The following HECTD4 variants were observed in gnomAD, a reference collection of about 807,000 sequenced individuals.
HECTD4 encodes probable E3 ubiquitin-protein ligase HECTD4.
In HECTD4, 114 loss-of-function variants were observed where a neutral mutation model predicts 471.5. The ratio of observed to expected loss-of-function variants is 0.24; its 90% confidence interval spans 0.21 to 0.28. The LOEUF (loss-of-function observed/expected upper bound fraction) is 0.28. Ranked by LOEUF, HECTD4 falls within the 10% of genes least tolerant of loss-of-function variation. The probability of loss-of-function intolerance (pLI) is 1.00; values close to 1 mark genes in which losing one functional copy is unlikely to be tolerated. For synonymous variants in HECTD4, 2,012 were observed against 2,256.0 expected (o/e 0.89, Z 3.07); for missense variants, 3,866 against 5,651.5 (o/e 0.68, Z 10.13).
intron 7 of HECTD4, among the ~76,000 whole-genome samples, chr12:112,288,372 C>T (rs145496699): frequency 9.8e-4 from 148 of 151,646 alleles, no homozygotes; most frequent in African/African-American, 3.5e-3. Flanking sequence ...CCTGTAATCC[C>T]AGCACTTTGG....
chr12:112,230,602 A>C (rs950526452), intron 40 of HECTD4, 85 bp downstream of exon 40: 2 of 1,449,342 alleles, frequency 1.4e-6, no homozygotes, highest in African/African-American at 2.9e-5. Context: ...ATTTCTCTTT[A>C]CTGAAATGCC....
intron 1 of HECTD4, among the ~76,000 whole-genome samples, chr12:112,373,909 C>G (rs2036730288): frequency 6.7e-6 from 1 of 150,358 alleles, no homozygotes; most frequent in Admixed American, 6.7e-5. Context: ...GAGGCTGAGG[C>G]AGGAGAACCA....
At chr12:112,219,589 T>C (rs183656803) in intron 44 of HECTD4, 100 bp from the exon 45 acceptor site, 53 of 743,254 alleles carry the variant, frequency 7.1e-5, no homozygotes, top group African/African-American at 2.2e-4. Flanking sequence ...AATGCACTTA[T>C]AGAGCTCATT....
chr12:112,311,619 C>CAA (rs541436680), intron 4 of HECTD4, among the ~76,000 whole-genome samples: 11 of 46,656 alleles, frequency 2.4e-4, no homozygotes, highest in South Asian at 6.4e-4. Context: ...GACCCCATCT[C>CAA]AAAAAAAAAA....
intron 49 of HECTD4, 147 bp from the exon 50 acceptor site, chr12:112,210,399 G>T: frequency 1.3e-6 from 1 of 775,626 alleles, no homozygotes; most frequent in Non-Finnish European, 2.1e-6. Context: ...GGGCTGGAGG[G>T]ACTGAGCACA....
In HECTD4 at chr12:112,308,882, C is replaced by T. The variant is rs1053895847; in HGVS notation, c.1035G>A (p.Val345=). The T allele has an allele frequency of 2.6e-5, 40 of 1,535,846 alleles. No individual in the cohort carries two copies. Among genetic ancestry groups the T allele is most frequent in the Non-Finnish European group, 1.9e-5 (22 of 1,146,800 alleles). The part of the protein sequence containing the change: ...SGLHGTLRGF[V]YCRNEELEPG... ...GTTCCAACTCCTCGTTCCGGCAGTA[C>T]ACAAAACCTCTGTGGAATGAAATGG... Residue 345 remains valine (V), a synonymous_variant, in exon 6 of 76, where the codon GTG becomes GTA. Coordinates refer to ENST00000682272, the MANE Select transcript of HECTD4 (RefSeq NM_001388303.1).
chr12:112,329,822 T>G (rs549681862), intron 1 of HECTD4, among the ~76,000 whole-genome samples: 1 of 152,316 alleles, frequency 6.6e-6, no homozygotes, highest in East Asian at 1.9e-4. Context: ...GAATAGAATT[T>G]GGAGGTTGGG....
At chr12:112,258,400 T>A (rs1320397732) in intron 20 of HECTD4, 96 bp downstream of exon 20, 1 of 842,236 alleles carries the variant, frequency 1.2e-6, no homozygotes, top group Admixed American at 3.1e-5. Flanking sequence ...CACAGCTAGA[T>A]AATCCTTGCT....
chr12:112,365,026 A>G (rs545867380), intron 1 of HECTD4, among the ~76,000 whole-genome samples: 2 of 152,322 alleles, frequency 1.3e-5, no homozygotes, highest in African/African-American at 4.8e-5. Flanking sequence ...TTATTTATGA[A>G]AACAGCTAGT....
intron 9 of HECTD4, among the ~76,000 whole-genome samples, chr12:112,276,787 G>C (rs566595752): frequency 2.2e-4 from 33 of 152,166 alleles, no homozygotes; most frequent in African/African-American, 7.7e-4. Flanking sequence ...TGGAGGAATA[G>C]ATATTCCTCC....
chr12:112,233,410 A>G (rs1027061686), intron 37 of HECTD4, among the ~76,000 whole-genome samples: 1 of 151,336 alleles, frequency 6.6e-6, no homozygotes, highest in African/African-American at 2.4e-5. Flanking sequence ...TTTTGAAGAG[A>G]TGGGATCTCA....
intron 66 of HECTD4, 147 bp downstream of exon 66, chr12:112,175,589 A>G: frequency 1.1e-6 from 1 of 921,594 alleles, no homozygotes; most frequent in Non-Finnish European, 1.6e-6. Context: ...AAACCCATTT[A>G]GCACTTAGGA....
intron 1 of HECTD4, among the ~76,000 whole-genome samples, chr12:112,372,767 GTTTT>G (rs1408728745): frequency 1.3e-5 from 2 of 151,488 alleles, no homozygotes; most frequent in Non-Finnish European, 2.9e-5. Flanking sequence ...TTTTTGTTTG[GTTTT>G]TTTGAGACAG....
In HECTD4 at chr12:112,183,133, A is replaced by G. The variant is rs1425322206; in HGVS notation, c.10913T>C (p.Val3638Ala). ...AGTATCAAAGAGACTCTGATTTACTACAGACACGGTTAGAATCTCTTCTGT... is the reference window on the plus strand; with the variant it reads ...AGTATCAAAGAGACTCTGATTTACTGCAGACACGGTTAGAATCTCTTCTGT... The part of the protein sequence containing the change: ...MSTEEILTVS[V>A]VNQSLFDTQG... The change falls in exon 62 of 76, where the codon GTA (valine) becomes GCA (alanine). Residue 3638 changes from valine (V) to alanine (A), a missense_variant. Coordinates refer to ENST00000682272, the MANE Select transcript of HECTD4 (RefSeq NM_001388303.1). The G allele has an allele frequency of 3.7e-6, 6 of 1,613,588 alleles. No individual in the cohort carries two copies. Among genetic ancestry groups the G allele is most frequent in the Non-Finnish European group, 5.1e-6 (6 of 1,179,498 alleles).
In HECTD4 at chr12:112,309,659, C is replaced by G; in HGVS notation, c.927G>C (p.Leu309Phe). ...GACCATCTGCCGTGAGACAGCGTCC[C>G]AAGTCAGCATCTGAAATCGTTTTTT... is the stretch of plus-strand genomic sequence containing the variant. The part of the protein sequence containing the change: ...GSSSENKDAD[L>F]GRCLTADGLY... The change falls in exon 5 of 76, where the codon TTG (leucine) becomes TTC (phenylalanine). Residue 309 changes from leucine (L) to phenylalanine (F), a missense_variant. This residue lies in a region of HECTD4 where 440 missense variants were observed against 636.0 expected (regional missense o/e 0.69). Transcript: ENST00000682272. 6.6e-7 allele frequency: 1 copy of G among 1,517,298 alleles called. No homozygotes were observed. The highest frequency in any genetic ancestry group is 8.8e-7 in the Non-Finnish European group (1 of 1,132,706). The allele number at this position is 1,517,298 out of a possible 1,614,324, so 94.0% of individuals were successfully genotyped here.
Position 112,381,721 on chromosome 12 carries a change from A to C in HECTD4, c.177+231T>G, listed in dbSNP as rs1367459449. Reference sequence around the variant, plus strand: ...GTCGGAACGCTCAAAAGAAAACCACAAATGAAATCCCCTGCGGGCGCCAGG... The same window carrying C: ...GTCGGAACGCTCAAAAGAAAACCACCAATGAAATCCCCTGCGGGCGCCAGG... On this transcript the variant is annotated intron_variant, in intron 1 of 75. Coordinates refer to ENST00000682272, the MANE Select transcript of HECTD4 (RefSeq NM_001388303.1). This position sits in a 1 kb window ranked among gnomAD's most constrained non-coding sequence, Gnocchi z 4.1. Among the ~76,000 whole-genome samples, 1 of 151,876 alleles carries C rather than the reference A, an allele frequency of 6.6e-6. No individual in the cohort carries two copies. The highest frequency in any genetic ancestry group is 1.5e-5 in the Non-Finnish European group (1 of 67,926).
In HECTD4 at chr12:112,194,344, G is replaced by C. The variant is rs1305388221; in HGVS notation, c.8749+541C>G. On this transcript the variant is annotated intron_variant, in intron 56 of 75. Transcript: ENST00000682272. This position sits in a 1 kb window ranked among gnomAD's most constrained non-coding sequence, Gnocchi z 4.6. ...CCATCTTAGTTGCTGGGAGATCGAG[G>C]CGGCAGGCTGGAGGCTGAGATGCCA... is the stretch of plus-strand genomic sequence containing the variant. 6.6e-6 allele frequency among the ~76,000 whole-genome samples: 1 copy of C among 152,182 alleles called. No individual in the cohort carries two copies. The highest frequency in any genetic ancestry group is 2.4e-5 in the African/African-American group (1 of 41,432).
chr12:112,192,773 G>A lies in HECTD4; in HGVS notation c.9087-8C>T. 1 of 1,568,014 alleles carries A rather than the reference G, an allele frequency of 6.4e-7. No individual in the cohort carries two copies. Among genetic ancestry groups the A allele is most frequent in the Non-Finnish European group, 8.6e-7 (1 of 1,156,102 alleles). On this transcript the variant is annotated splice_region_variant and splice_polypyrimidine_tract_variant and intron_variant, in intron 58 of 75. Coordinates refer to ENST00000682272, the MANE Select transcript of HECTD4 (RefSeq NM_001388303.1). ...GCCTTGTACAGAGAGGAGCTGAGAA[G>A]GAGGGATGGGTGGGTGTTAATACAG...
chr12:112,171,432 T>C, intron 67 of HECTD4, 169 bp from the exon 68 acceptor site: 1 of 1,093,436 alleles, frequency 9.1e-7, no homozygotes, highest in Non-Finnish European at 1.3e-6. Context: ...CCTGTGCCTA[T>C]GCCAAGCAGA....
Sources: gnomAD v4.1 joint callset for allele counts (sites outside exome capture counted in the v4.1 genomes callset) on GRCh38, gnomAD v4.1.1 for gene constraint, gnomAD v4.1.1 regional missense constraint, Gnocchi (gnomAD v3.1) non-coding constraint, MANE v1.5 for transcripts, NCBI Gene and HGNC (gene_info 2026-07-23, HGNC 2026-07-21) for gene names.